The following DENND3 variants were observed in gnomAD, a reference collection of about 807,000 sequenced individuals.
DENND3 encodes DENN domain-containing protein 3.
In DENND3, 88 loss-of-function variants were observed where a neutral mutation model predicts 135.1. The ratio of observed to expected loss-of-function variants is 0.65; its 90% CI spans 0.55 to 0.78. The LOEUF (loss-of-function observed/expected upper bound fraction) is 0.78. Among genes scored for constraint, DENND3 ranks in the 30% least tolerant of loss-of-function variants. DENND3 has a pLI of 0.00. For synonymous variants in DENND3, 693 were observed against 712.3 expected, an observed-to-expected ratio of 0.97 and a Z score of 0.43; for missense variants, 1,392 against 1,688.4, an observed-to-expected ratio of 0.82 and a Z score of 3.08.
At chr8:141,176,837 A>G (rs2154613340) in intron 15 of DENND3, 76 bp downstream of exon 15, 1 of 1,551,594 alleles carries the variant, frequency 6.4e-7, no homozygotes, top group Non-Finnish European at 8.8e-7. Context: ...GTCCTGTGGC[A>G]GTCCTCAGCT....
At chr8:141,184,108 T>C (rs1589703780) in intron 17 of DENND3, among the ~76,000 whole-genome samples, 1 of 152,188 alleles carries the variant, frequency 6.6e-6, no homozygotes, top group Non-Finnish European at 1.5e-5. Flanking sequence ...TACAGCCTCT[T>C]CCCCAGACCC....
chr8:141,138,284 C>T lies in DENND3; in HGVS notation c.501+147C>T. ...TACATTCACAGCATTGTGCAACCAC[C>T]ACCAATGTCTAGGTCCAAAACGCTT... On this transcript the variant is annotated intron_variant, in intron 3 of 22. Transcript: ENST00000519811. The surrounding 1 kb of genome is among the most constrained non-coding windows in gnomAD (Gnocchi z 4.8). 1 of 866,708 alleles carries T rather than the reference C, an allele frequency of 1.2e-6. No homozygotes were observed. Among genetic ancestry groups the T allele is most frequent in the East Asian group, 2.7e-5 (1 of 37,126 alleles). The allele number at this position is 866,708 out of a possible 1,614,324, so 53.7% of individuals were successfully genotyped here.
Position 141,141,375 on chromosome 8 carries a change from C to T in DENND3, c.623+51C>T. On this transcript the variant is annotated intron_variant, in intron 4 of 22. Transcript: ENST00000519811. The surrounding 1 kb of genome is among the most constrained non-coding windows in gnomAD (Gnocchi z 5.3). ...GGTGGTAGGGGGCAGCTCTTTGTGC[C>T]TCTCCAGGTGAGCCAAGGGACCAGG... 6.2e-7 allele frequency: 1 copy of T among 1,601,782 alleles called. No individual in the cohort carries two copies. Among genetic ancestry groups the T allele is most frequent in the Admixed American group, 1.7e-5 (1 of 59,660 alleles).
chr8:141,187,523 G>A (rs1824052617), intron 18 of DENND3, among the ~76,000 whole-genome samples: 1 of 152,136 alleles, frequency 6.6e-6, no homozygotes, highest in Non-Finnish European at 1.5e-5. Flanking sequence ...ACTGCGCCCG[G>A]CCATGGTATC....
intron 22 of DENND3, 85 bp downstream of exon 22, chr8:141,192,748 G>GCA: frequency 6.2e-7 from 1 of 1,607,156 alleles, no homozygotes; most frequent in South Asian, 1.1e-5. Context: ...AGAGCCAGCC[G>GCA]CACGCCCTCG....
chr8:141,184,029 C>T (rs1444985684), intron 17 of DENND3, among the ~76,000 whole-genome samples: 2 of 152,158 alleles, frequency 1.3e-5, no homozygotes, highest in Admixed American at 1.3e-4. Context: ...CATCTCTGTC[C>T]CTCTCCTGGG....
chr8:141,178,020 ATCT>A (rs1822615692), intron 15 of DENND3, 44 bp from the exon 16 acceptor site: 23 of 1,572,590 alleles, frequency 1.5e-5, no homozygotes, highest in Non-Finnish European at 2.0e-5. Context: ...CGGTGAACTG[ATCT>A]TAGTGATTCT....
chr8:141,163,557 T>C (rs1820399774), intron 10 of DENND3, 128 bp downstream of exon 10: 3 of 568,160 alleles, frequency 5.3e-6, no homozygotes, highest in African/African-American at 1.9e-5. Flanking sequence ...TTTAGCATGG[T>C]TCCTTTTGAC....
chr8:141,191,429 G>C (rs947565711), intron 20 of DENND3: 6 of 152,242 alleles, frequency 3.9e-5, no homozygotes, highest in African/African-American at 1.4e-4. Context: ...TCCTTCCCCT[G>C]CCCCAAGTGG....
rs1199160455 is a variant in DENND3, at chr8:141,154,071, CTGT to C, written c.1075-1777_1075-1775del. On this transcript the variant is annotated intron_variant, in intron 7 of 22. Coordinates refer to ENST00000519811, the MANE Select transcript of DENND3 (RefSeq NM_001352890.3). This position sits in a 1 kb window ranked among gnomAD's most constrained non-coding sequence, Gnocchi z 4.4. ...GGCGTTAACACATCCACGGGACCGG[CTGT>C]GTGCCTCGCTGCTTTAGCGTTTTGT... Among the ~76,000 whole-genome samples the C allele has an allele frequency of 6.6e-6, 1 of 152,368 alleles. No individual in the cohort carries two copies. The highest frequency in any genetic ancestry group is 1.9e-4 in the East Asian group (1 of 5,186).
chr8:141,170,073 T>A (rs1448638263), intron 13 of DENND3, among the ~76,000 whole-genome samples: 1 of 152,266 alleles, frequency 6.6e-6, no homozygotes, highest in Non-Finnish European at 1.5e-5. Context: ...TCGCCCGTTG[T>A]GAGCCTGCAA....
chr8:141,151,004 G>A, intron 6 of DENND3, 51 bp downstream of exon 6: 2 of 1,471,238 alleles, frequency 1.4e-6, no homozygotes, highest in African/African-American at 2.9e-5. Context: ...GCCTTAGTGG[G>A]GCATCAGAGC....
intron 7 of DENND3, among the ~76,000 whole-genome samples, chr8:141,153,502 G>A (rs1819068355): frequency 6.6e-6 from 1 of 152,208 alleles, no homozygotes; most frequent in South Asian, 2.1e-4. Flanking sequence ...CCCCAGCCCC[G>A]CTTTTCCCGG....
intron 17 of DENND3, 73 bp downstream of exon 17, chr8:141,180,927 C>A: frequency 1.5e-6 from 2 of 1,313,746 alleles, no homozygotes; most frequent in South Asian, 1.3e-5. Context: ...GGTTCAGGGT[C>A]AGCCCTGAAG....
intron 20 of DENND3, 44 bp downstream of exon 20, chr8:141,190,461 G>T (rs1273930441): frequency 6.5e-7 from 1 of 1,547,134 alleles, no homozygotes; most frequent in Non-Finnish European, 8.7e-7. Context: ...CTACCTCCCT[G>T]CTCTGGGAAA....
intron 7 of DENND3, 92 bp downstream of exon 7, chr8:141,151,929 T>C (rs1390258705): frequency 1.4e-6 from 2 of 1,476,690 alleles, no homozygotes; most frequent in African/African-American, 1.4e-5. Flanking sequence ...TGCTCCGCGG[T>C]GAAGGCGGGG....
chr8:141,190,329 T>G lies in DENND3; in HGVS notation c.3291T>G (p.Asn1097Lys). 1.9e-6 allele frequency: 3 copies of G among 1,613,318 alleles called. No individual in the cohort carries two copies. Among genetic ancestry groups the G allele is most frequent in the Non-Finnish European group, 1.7e-6 (2 of 1,179,784 alleles). ...CSMDGMVLVW[N>K]VSTLQVTSRF... ...TGGACGGCATGGTGCTGGTGTGGAA[T>G]GTGAGCACACTGCAGGTGACCAGCC... The change falls in exon 20 of 23, where the codon AAT becomes AAG. Residue 1097 changes from asparagine (N) to lysine (K), a missense_variant. By Grantham distance (94) the Asn-to-Lys change is moderately conservative. Transcript: ENST00000519811.
At position 141,146,015 on chromosome 8, in the gene DENND3, T is replaced by C. The variant is rs981510954; in HGVS notation, c.735+1756T>C. On this transcript the variant is annotated intron_variant, in intron 5 of 22. Transcript: ENST00000519811. This position sits in a 1 kb window ranked among gnomAD's most constrained non-coding sequence, Gnocchi z 4.3. ...AGGCGCGTGCCACCACGCTGGCTAA[T>C]TTTTTGTATTTTTAGTAGAGATGGG... Among the ~76,000 whole-genome samples the C allele has an allele frequency of 7.9e-5, 12 of 151,416 alleles. No homozygotes were observed. The East Asian group carries it at 2.3e-3, about 29-fold the overall frequency.
At chr8:141,192,069 T>C in intron 20 of DENND3, 1 of 399,948 alleles carries the variant, frequency 2.5e-6, no homozygotes, top group Non-Finnish European at 4.5e-6. Context: ...CAGTCAATGA[T>C]CTTTCAAGAA....
Sources: gnomAD v4.1 joint callset for allele counts (sites outside exome capture counted in the v4.1 genomes callset) on GRCh38, gnomAD v4.1.1 for gene constraint, Gnocchi (gnomAD v3.1) non-coding constraint, MANE v1.5 for transcripts, NCBI Gene and HGNC (gene_info 2026-07-23, HGNC 2026-07-21) for gene names.